Variants in ATR observed in about 807,000 individuals in gnomAD.
ATR encodes the protein serine/threonine-protein kinase ATR.
In ATR, 142 loss-of-function variants were observed where a neutral mutation model predicts 305.3. The ratio of observed to expected loss-of-function variants is 0.47; its 90% CI spans 0.41 to 0.53. The LOEUF is 0.53. ATR is among the 20% of genes least tolerant of loss of function. The probability of loss-of-function intolerance (pLI) is 0.00; values close to 1 mark genes in which losing one functional copy is unlikely to be tolerated. For missense variants in ATR, 2,135 were observed against 3,133.1 expected (o/e 0.68, Z 7.60); for synonymous variants, 1,050 against 1,068.1 (o/e 0.98, Z 0.33).
chr3:142,452,271 A>G, intron 46 of ATR: 2 of 993,908 alleles, frequency 2.0e-6, no homozygotes, highest in Non-Finnish European at 1.2e-6. Context: ...TTATTAGCAT[A>G]TAGTTGGTAT....
At chr3:142,475,877 G>T (rs969885221) in intron 36 of ATR, among the ~76,000 whole-genome samples, 2 of 152,144 alleles carry the variant, frequency 1.3e-5, no homozygotes, top group African/African-American at 2.4e-5. Flanking sequence ...TCATGTGTCT[G>T]TTGGCTGCAT....
intron 16 of ATR, among the ~76,000 whole-genome samples, chr3:142,546,963 T>C (rs2034289466): frequency 6.6e-6 from 1 of 152,200 alleles, no homozygotes; most frequent in African/African-American, 2.4e-5. Context: ...ATGGTAAGCT[T>C]GTAGAAGTTA....
At chr3:142,453,369 ATGTGAAATTTC>A (rs2070834383) in intron 45 of ATR, 136 bp from the exon 46 acceptor site, 1 of 1,195,338 alleles carries the variant, frequency 8.4e-7, no homozygotes, top group Admixed American at 2.3e-5. Context: ...TCATTAAGTT[ATGTGAAATTTC>A]TGTTTTGGTG....
chr3:142,499,451 C>T (rs1229039635), intron 31 of ATR, among the ~76,000 whole-genome samples, 176 bp downstream of exon 31: 15 of 151,984 alleles, frequency 9.9e-5, no homozygotes, highest in African/African-American at 1.4e-4. Flanking sequence ...CGTGCCACCA[C>T]GCCCAGCTAA....
chr3:142,516,684 C>T (rs538201249), intron 24 of ATR, among the ~76,000 whole-genome samples: 53 of 152,004 alleles, frequency 3.5e-4, no homozygotes, highest in Non-Finnish European at 2.2e-4. Flanking sequence ...TTTATCTTTC[C>T]CTATTGCAAA....
chr3:142,479,009 A>G (rs2030190098), intron 36 of ATR, among the ~76,000 whole-genome samples: 1 of 152,156 alleles, frequency 6.6e-6, no homozygotes, highest in Non-Finnish European at 1.5e-5. Flanking sequence ...GGTCTCCTGA[A>G]TACAGCACAC....
intron 1 of ATR, among the ~76,000 whole-genome samples, chr3:142,578,311 G>C (rs938703799): frequency 2.6e-5 from 4 of 152,224 alleles, no homozygotes; most frequent in Non-Finnish European, 5.9e-5. Flanking sequence ...AGAAGAAAAT[G>C]AGTGTAGAAA....
At chr3:142,479,498 T>A (rs199926845) in intron 36 of ATR, among the ~76,000 whole-genome samples, 2 of 152,218 alleles carry the variant, frequency 1.3e-5, no homozygotes, top group East Asian at 3.8e-4. Flanking sequence ...TAACCCGACC[T>A]TTCTCTCTGG....
chr3:142,551,012 C>G lies in ATR; in HGVS notation c.2806-710G>C, dbSNP rs549722103. Among the ~76,000 whole-genome samples, 11 of 152,290 alleles carry G rather than the reference C, an allele frequency of 7.2e-5. No individual in the cohort carries two copies. In the East Asian group the frequency reaches 1.9e-3, roughly 27 times the overall value. ...ATGCTAGCAAGGCTGGTCTCAAACTCCTGACCTCAGGTGATGCGCCCACCT... is the reference window on the plus strand; with the variant it reads ...ATGCTAGCAAGGCTGGTCTCAAACTGCTGACCTCAGGTGATGCGCCCACCT... On this transcript the variant is annotated intron_variant, in intron 13 of 46. Coordinates refer to ENST00000350721, the MANE Select transcript of ATR (RefSeq NM_001184.4).
intron 21 of ATR, among the ~76,000 whole-genome samples, chr3:142,530,359 T>C (rs2033589501): frequency 6.6e-6 from 1 of 152,236 alleles, no homozygotes; most frequent in African/African-American, 2.4e-5. Context: ...ATTAAAGTTA[T>C]ACTGCTAAGT....
intron 17 of ATR, among the ~76,000 whole-genome samples, chr3:142,541,508 T>A (rs189007063): frequency 6.6e-6 from 1 of 152,178 alleles, no homozygotes; most frequent in Non-Finnish European, 1.5e-5. Context: ...AAATTCAAGA[T>A]GTCCTGAATT....
intron 1 of ATR, among the ~76,000 whole-genome samples, chr3:142,572,770 CA>C (rs1026135509): frequency 1.0e-4 from 15 of 148,576 alleles, no homozygotes; most frequent in African/African-American, 3.7e-4. Flanking sequence ...CCCCTGTCTC[CA>C]AAAAATAGAA....
Position 142,560,438 on chromosome 3 carries a change from T to C in ATR, c.1366A>G (p.Met456Val), listed in dbSNP as rs1482756120. Reference sequence around the variant, plus strand: ...CTCCATAATATGCTCTTTTGGTTCATGTCCACATGTTTAATTCTATAATTA... The same window carrying C: ...CTCCATAATATGCTCTTTTGGTTCACGTCCACATGTTTAATTCTATAATTA... ...KQTEEIKHVD[M>V]NQKSILWSAL... is the part of the protein sequence containing the mutation. The change falls in exon 6 of 47, where the codon ATG becomes GTG. Residue 456 changes from methionine to valine, a missense_variant. By Grantham distance (21) the Met-to-Val change is conservative (BLOSUM62 1). Transcript: ENST00000350721. 3 of 1,610,562 alleles carry C rather than the reference T, an allele frequency of 1.9e-6. No homozygotes were observed. The highest frequency in any genetic ancestry group is 1.7e-5 in the Admixed American group (1 of 60,004).
intron 1 of ATR, among the ~76,000 whole-genome samples, chr3:142,574,846 G>GGGTAAGA (rs2035386417): frequency 6.6e-6 from 1 of 152,160 alleles, no homozygotes; most frequent in Admixed American, 6.5e-5. Flanking sequence ...AGTGAAATAA[G>GGGTAAGA]GGTAAGAGGG....
chr3:142,560,950 T>C (rs2034858105), intron 5 of ATR, among the ~76,000 whole-genome samples: 1 of 152,192 alleles, frequency 6.6e-6, no homozygotes, highest in African/African-American at 2.4e-5. Flanking sequence ...AAATAGTTGG[T>C]TAATGTTTTA....
In ATR at chr3:142,452,034, T is replaced by C. The variant is rs555801227; in HGVS notation, c.7761+1094A>G. The C allele has an allele frequency of 5.2e-5, 54 of 1,040,024 alleles. No individual in the cohort carries two copies. In the African/African-American group the frequency reaches 8.5e-4, roughly 16 times the overall value. The allele number at this position is 1,040,024 out of a possible 1,614,324, so 64.4% of individuals were successfully genotyped here. On this transcript the variant is annotated intron_variant, in intron 46 of 46. Transcript: ENST00000350721. ...GAATTTTTCCACAATTCTGGAAATA[T>C]TAATCTCACCCTACAGATGAAGATA...
At chr3:142,568,481 C>G (rs924293835) in intron 1 of ATR, among the ~76,000 whole-genome samples, 2 of 152,164 alleles carry the variant, frequency 1.3e-5, no homozygotes, top group African/African-American at 4.8e-5. Context: ...CAGTGGCAGC[C>G]CAGTTGGAGC....
rs1322081331 is a variant in ATR at position 142,538,543 on chromosome 3, G to A, written c.3664C>T (p.Leu1222Phe). 2 of 1,613,526 alleles carry A rather than the reference G, an allele frequency of 1.2e-6. No individual in the cohort carries two copies. Among genetic ancestry groups the A allele is most frequent in the Non-Finnish European group, 1.7e-6 (2 of 1,179,612 alleles). The change falls in exon 19 of 47, where the codon CTT becomes TTT. Residue 1222 changes from leucine (L) to phenylalanine (F), a missense_variant. Physicochemically the swap from Leu to Phe is conservative, Grantham distance 22 (BLOSUM62 0). This residue lies in a region of ATR where 530 missense variants were observed against 766.8 expected (regional missense o/e 0.69). Transcript: ENST00000350721. ...GTTTCTTTAGGCTGGATGTGTATAA[G>A]AGGTAACAAAGCTACTATTACATGA... ...LSHVIVALLP[L>F]IHIQPKETAA...
chr3:142,502,383 C>T (rs1203889422), intron 30 of ATR, among the ~76,000 whole-genome samples: 1 of 143,462 alleles, frequency 7.0e-6, no homozygotes, highest in Non-Finnish European at 1.5e-5. Context: ...TACTATGCAG[C>T]TATAAAAAAG....
Sources: gnomAD v4.1 joint callset for allele counts (sites outside exome capture counted in the v4.1 genomes callset) on GRCh38, gnomAD v4.1.1 for gene constraint, gnomAD v4.1.1 regional missense constraint, MANE v1.5 for transcripts, NCBI Gene and HGNC (gene_info 2026-07-23, HGNC 2026-07-21) for gene names.